Variants in OS9 observed in about 807,000 individuals in gnomAD.
The protein encoded by OS9 is protein OS-9.
OS9 carries 58 observed loss-of-function variants against 84.7 expected under a neutral mutation model. The ratio of observed to expected loss-of-function variants is 0.68; its 90% CI spans 0.55 to 0.85. The LOEUF is 0.85. OS9 is among the 40% of genes least tolerant of loss of function. The pLI, the probability that OS9 is intolerant of heterozygous loss-of-function variation, is 0.00. For synonymous variants in OS9, 278 were observed against 320.8 expected, an observed-to-expected ratio of 0.87 and a Z score of 1.43; for missense variants, 760 against 850.9, an observed-to-expected ratio of 0.89 and a Z score of 1.33.
intron 5 of OS9, among the ~76,000 whole-genome samples, chr12:57,709,997 C>G (rs893670332): frequency 1.3e-5 from 2 of 152,116 alleles, no homozygotes; most frequent in Admixed American, 1.3e-4. Flanking sequence ...GAATTATAGG[C>G]GTGTGCCACC....
chr12:57,706,710 G>A (rs2140309977), intron 5 of OS9, among the ~76,000 whole-genome samples: 1 of 152,084 alleles, frequency 6.6e-6, no homozygotes, highest in African/African-American at 2.4e-5. Context: ...TTAGCCTGAT[G>A]TGGTGGTGTA....
chr12:57,694,567 C>T (rs1953767687), intron 1 of OS9, 183 bp from the exon 2 acceptor site: 2 of 716,842 alleles, frequency 2.8e-6, no homozygotes, highest in East Asian at 2.7e-5. Context: ...AACACCCGGA[C>T]TCCGCCCCCG....
rs766520124 is a variant in OS9 at position 57,720,503 on chromosome 12, C to A, written c.1863C>A (p.Ile621=). The A allele has an allele frequency of 1.2e-6, 2 of 1,609,388 alleles. No individual in the cohort carries two copies. The highest frequency in any genetic ancestry group is 1.7e-6 in the Non-Finnish European group (2 of 1,175,836). ...TDEDTRNLKE[I]FFNILVPGAE... is the part of the protein sequence containing the mutation. ...AGGACACGAGAAACCTCAAGGAGAT[C>A]TTCTTCAATATCTTGGTAAGAGGCT... The change falls in exon 14 of 15, where the codon ATC becomes ATA. Residue 621 remains isoleucine (I), a synonymous_variant. Coordinates refer to ENST00000315970, the MANE Select transcript of OS9 (RefSeq NM_006812.4).
At chr12:57,711,038 CAAAAAAAAAA>C (rs35365273) in intron 5 of OS9, among the ~76,000 whole-genome samples, 98 of 71,914 alleles carry the variant, frequency 1.4e-3, no homozygotes, top group African/African-American at 5.0e-3. Context: ...GACTCCGTCT[CAAAAAAAAAA>C]AAAAAAAAAA....
At chr12:57,700,791 G>A (rs1379402621) in intron 5 of OS9, among the ~76,000 whole-genome samples, 1 of 151,928 alleles carries the variant, frequency 6.6e-6, no homozygotes, top group Non-Finnish European at 1.5e-5. Flanking sequence ...AATGCGGACA[G>A]GGCTGGGATG....
At chr12:57,719,881 T>G in intron 12 of OS9, 1 of 494,088 alleles carries the variant, frequency 2.0e-6, no homozygotes, top group Non-Finnish European at 3.6e-6. Flanking sequence ...AATTATTGGG[T>G]AGGGCGGGAA....
chr12:57,696,815 A>G (rs1248876296), intron 5 of OS9, among the ~76,000 whole-genome samples: 1 of 151,776 alleles, frequency 6.6e-6, no homozygotes, highest in East Asian at 1.9e-4. Context: ...AAGAAAAAAA[A>G]AAACCCACAT....
At chr12:57,717,812 A>AGAATTT in intron 9 of OS9, 58 bp from the exon 10 acceptor site, 2 of 1,077,592 alleles carry the variant, frequency 1.9e-6, no homozygotes, top group Non-Finnish European at 2.7e-6. Context: ...AAAAAAAAAA[A>AGAATTT]AAAAAAAGAA....
Position 57,718,141 on chromosome 12 carries a change from C to G in OS9, c.1135-5C>G, listed in dbSNP as rs1321612061. The stretch of plus-strand genomic sequence containing the variant: ...TGTCTTTCTCCCCACTCCCTACCCA[C>G]CCAGGGGAAGCCAAATATAGGCCAA... On this transcript the variant is annotated splice_region_variant and splice_polypyrimidine_tract_variant and intron_variant, in intron 10 of 14. Transcript: ENST00000315970. 2 of 1,612,726 alleles carry G rather than the reference C, an allele frequency of 1.2e-6. No homozygotes were observed. The highest frequency in any genetic ancestry group is 1.7e-5 in the Admixed American group (1 of 59,922).
chr12:57,719,104 C>CA lies in OS9; in HGVS notation c.1523dup (p.Ser509GlufsTer30). ...ACTCATCAAAAGACTGGAGGAAAAA[C>CA]AGAGTCCAGAGCTGGTGAAGAAGCA... On this transcript the variant is annotated frameshift_variant, in exon 12 of 15. Transcript: ENST00000315970. LOFTEE classifies it high-confidence loss of function. 1 of 1,614,112 alleles carries CA rather than the reference C, an allele frequency of 6.2e-7. No homozygotes were observed. The highest frequency in any genetic ancestry group is 1.1e-5 in the South Asian group (1 of 91,076).
Position 57,716,213 on chromosome 12 carries a change from G to A in OS9, c.892+20G>A, listed in dbSNP as rs750026010. The A allele has an allele frequency of 2.0e-6, 3 of 1,517,692 alleles. No homozygotes were observed. The African/African-American group carries it at 4.3e-5, about 22-fold the overall frequency. The allele number at this position is 1,517,692 out of a possible 1,614,324, so 94.0% of individuals were successfully genotyped here. On this transcript the variant is annotated intron_variant, in intron 7 of 14. Transcript: ENST00000315970. ...TGGCAGGTAGGACCTTGTTTCACCT[G>A]TTCCGTGAAACTCACTTCCATTTCT...
chr12:57,697,932 C>T (rs199578813), intron 5 of OS9, among the ~76,000 whole-genome samples: 8 of 113,106 alleles, frequency 7.1e-5, no homozygotes, highest in Middle Eastern at 4.2e-3. Context: ...CATACACACA[C>T]ACACACACAC....
Position 57,696,449 on chromosome 12 carries a change from AGTCG to A in OS9, c.579+78_579+81del, listed in dbSNP as rs1555192315. The A allele has an allele frequency of 2.8e-5, 7 of 245,666 alleles. 1 individual carries two copies. Among genetic ancestry groups the A allele is most frequent in the South Asian group, 8.9e-5 (1 of 11,274 alleles). 15.2% of individuals were successfully genotyped at this position (245,666 alleles called of 1,614,324 possible). On this transcript the variant is annotated intron_variant, in intron 5 of 14. Transcript: ENST00000315970. ...CTAAGGGAAGAGGGTTGCATCTTATAGTCGGGGCGGGGGCGGGGGGGGTCCCCTC... is the reference window on the plus strand; with the variant it reads ...CTAAGGGAAGAGGGTTGCATCTTATAGGGCGGGGGCGGGGGGGGTCCCCTC...
rs1179844123 is a variant in OS9 at position 57,717,939 on chromosome 12, T to C, written c.1115T>C (p.Leu372Pro). 1 of 1,612,408 alleles carries C rather than the reference T, an allele frequency of 6.2e-7. No homozygotes were observed. The highest frequency in any genetic ancestry group is 2.2e-5 in the East Asian group (1 of 44,882). ...GATTTGATTCGATTCATAGAGGAGC[T>C]GAAAGGTGGAACAAAAAAGGTATAG... ...PADLIRFIEE[L>P]KGGTKKGKPN... Residue 372 changes from leucine (L) to proline (P), a missense_variant, in exon 10 of 15, where the codon CTG (leucine) becomes CCG (proline). Coordinates refer to ENST00000315970, the MANE Select transcript of OS9 (RefSeq NM_006812.4).
chr12:57,703,967 A>G (rs75013973), intron 5 of OS9, among the ~76,000 whole-genome samples: 5,286 of 152,304 alleles, frequency 0.035, 163 homozygotes, highest in East Asian at 0.12. Context: ...GACTTTATCA[A>G]TAACTGAAGA....
intron 10 of OS9, 55 bp from the exon 11 acceptor site, chr12:57,718,091 C>A (rs896387296): frequency 4.4e-6 from 7 of 1,578,644 alleles, no homozygotes; most frequent in Non-Finnish European, 6.1e-6. Context: ...TGCCCCCGAC[C>A]ATGTGTCTCT....
At chr12:57,700,244 T>C (rs1953981040) in intron 5 of OS9, among the ~76,000 whole-genome samples, 1 of 152,044 alleles carries the variant, frequency 6.6e-6, no homozygotes. Flanking sequence ...TGTTTTAAGA[T>C]GGAACAGACT....
chr12:57,695,140 T>C, intron 2 of OS9: 1 of 574,766 alleles, frequency 1.7e-6, no homozygotes, highest in South Asian at 2.1e-5. Flanking sequence ...GGATAGAAGA[T>C]CTCAGAAAAG....
intron 1 of OS9, 112 bp downstream of exon 1, chr12:57,694,435 A>T: frequency 1.7e-6 from 2 of 1,174,574 alleles, no homozygotes; most frequent in Non-Finnish European, 2.4e-6. Context: ...AATCGGGAAG[A>T]GTAGGTATTG....
Sources: gnomAD v4.1 joint callset for allele counts (sites outside exome capture counted in the v4.1 genomes callset) on GRCh38, gnomAD v4.1.1 for gene constraint, MANE v1.5 for transcripts, NCBI Gene and HGNC (gene_info 2026-07-23, HGNC 2026-07-21) for gene names.